DTWD2: variants seen among roughly 807,000 people sequenced by gnomAD.
DTWD2 encodes the protein DTW motif tRNA-uridine aminocarboxypropyltransferase 2, also known as tRNA-uridine aminocarboxypropyltransferase 2.
DTWD2 carries 39 observed loss-of-function variants against 31.8 expected under a neutral mutation model. The ratio of observed to expected loss-of-function variants is 1.22; its 90% confidence interval spans 0.95 to 1.60. DTWD2 has a LOEUF of 1.60. Among genes scored for constraint, DTWD2 ranks in the 40% most tolerant of loss-of-function variants. DTWD2 has a pLI of 0.00. For synonymous variants in DTWD2, 180 were observed against 142.8 expected (o/e 1.26, Z -1.86); for missense variants, 515 against 381.5 (o/e 1.35, Z -2.92).
chr5:118,882,988 G>A (rs567187009), intron 4 of DTWD2, among the ~76,000 whole-genome samples: 8 of 152,292 alleles, frequency 5.3e-5, no homozygotes, highest in South Asian at 4.1e-4. Flanking sequence ...TGGTCAGGCC[G>A]CAAATTTTCC....
intron 4 of DTWD2, among the ~76,000 whole-genome samples, chr5:118,851,893 G>A (rs928797598): frequency 2.0e-5 from 3 of 151,782 alleles, no homozygotes; most frequent in Non-Finnish European, 4.4e-5. Flanking sequence ...GAACAGGTCT[G>A]ACCTCAAATT....
At chr5:118,951,203 C>T (rs931108450) in intron 1 of DTWD2, among the ~76,000 whole-genome samples, 7 of 152,006 alleles carry the variant, frequency 4.6e-5, no homozygotes, top group East Asian at 1.9e-4. Context: ...AACTGTAAGC[C>T]GGACTGGGTG....
At chr5:118,945,752 G>A (rs535487573) in intron 1 of DTWD2, among the ~76,000 whole-genome samples, 19 of 130,744 alleles carry the variant, frequency 1.5e-4, no homozygotes, top group South Asian at 2.2e-4. Context: ...GCGACAGAGC[G>A]AGACTCCAAC....
chr5:118,881,293 T>A (rs1258801796), intron 4 of DTWD2, among the ~76,000 whole-genome samples: 1 of 152,198 alleles, frequency 6.6e-6, no homozygotes, highest in Non-Finnish European at 1.5e-5. Context: ...TAAGTTAATA[T>A]GCCTCTAAAT....
intron 1 of DTWD2, among the ~76,000 whole-genome samples, chr5:118,949,986 A>G (rs1214865968): frequency 3.3e-5 from 5 of 152,216 alleles, no homozygotes; most frequent in Non-Finnish European, 5.9e-5. Flanking sequence ...CAAGGCGGGC[A>G]GATCACGAGG....
At chr5:118,983,511 T>TTCTC (rs575844486) in intron 1 of DTWD2, among the ~76,000 whole-genome samples, 87 of 149,680 alleles carry the variant, frequency 5.8e-4, no homozygotes, top group African/African-American at 1.9e-3. Context: ...TTTCCCCATT[T>TTCTC]TCTCTCTCTC....
chr5:118,962,259 G>T (rs1754723683), intron 1 of DTWD2, among the ~76,000 whole-genome samples: 1 of 152,026 alleles, frequency 6.6e-6, no homozygotes, highest in Admixed American at 6.6e-5. Flanking sequence ...AAAATTATTT[G>T]CTATAAATTA....
intron 1 of DTWD2, chr5:118,974,191 C>T (rs1755071835): frequency 1.4e-6 from 2 of 1,394,280 alleles, no homozygotes; most frequent in South Asian, 1.2e-5. Flanking sequence ...CTCCACTTCC[C>T]GTCTCAGAAT....
At chr5:118,873,814 C>A (rs1752562861) in intron 4 of DTWD2, among the ~76,000 whole-genome samples, 1 of 152,174 alleles carries the variant, frequency 6.6e-6, no homozygotes, top group Non-Finnish European at 1.5e-5. Context: ...CAGCATCCTG[C>A]CCCAAGCCAA....
rs535859715 is a variant in DTWD2 at position 118,931,398 on chromosome 5, T to TAAAA, written c.405-2673_405-2670dup. Among the ~76,000 whole-genome samples the TAAAA allele has an allele frequency of 1.9e-3, 213 of 109,748 alleles. No homozygotes were observed. The Middle Eastern group carries it at 0.027, about 14-fold the overall frequency. 72.0% of individuals were successfully genotyped at this position (109,748 alleles called of 152,430 possible). A position where few individuals can be genotyped will look rare whatever the true frequency, so the allele number is the denominator to read the frequency against. On this transcript the variant is annotated intron_variant, in intron 3 of 5. Transcript: ENST00000510708. ...TGAGCAACAGAACGAGACCTTGTCT[T>TAAAA]AAAAAAAAAAAAAAAAAAAAAGTAA...
chr5:118,935,594 A>C (rs902273918), intron 3 of DTWD2, among the ~76,000 whole-genome samples: 2 of 152,154 alleles, frequency 1.3e-5, no homozygotes, highest in African/African-American at 4.8e-5. Context: ...TTCTGTGTTG[A>C]AGTTTGTGGT....
intron 1 of DTWD2, among the ~76,000 whole-genome samples, chr5:118,969,199 G>C (rs1430104899): frequency 2.6e-5 from 4 of 152,038 alleles, no homozygotes. Context: ...GGGAGGGGCG[G>C]GGGGGAAGCG....
At chr5:118,937,255 A>C (rs1754063591) in intron 3 of DTWD2, among the ~76,000 whole-genome samples, 2 of 151,988 alleles carry the variant, frequency 1.3e-5, no homozygotes, top group Non-Finnish European at 2.9e-5. Context: ...CTCAACAAAC[A>C]CCCATTCATA....
At chr5:118,862,879 T>A (rs1452903592) in intron 4 of DTWD2, among the ~76,000 whole-genome samples, 1 of 152,184 alleles carries the variant, frequency 6.6e-6, no homozygotes, top group African/African-American at 2.4e-5. Flanking sequence ...TAACAGGAAG[T>A]CTGATGTGGC....
chr5:118,956,258 C>T (rs557841627), intron 1 of DTWD2, among the ~76,000 whole-genome samples: 16 of 152,198 alleles, frequency 1.1e-4, no homozygotes, highest in East Asian at 1.9e-4. Flanking sequence ...TGTATTTTTC[C>T]GCTCATCGGG....
chr5:118,857,102 TA>T (rs1251855866), intron 4 of DTWD2, among the ~76,000 whole-genome samples: 1 of 151,996 alleles, frequency 6.6e-6, no homozygotes, highest in Non-Finnish European at 1.5e-5. Context: ...GTTCATGTTA[TA>T]AACGAAGAAA....
chr5:118,854,356 T>C (rs1248144071), intron 4 of DTWD2, among the ~76,000 whole-genome samples: 10 of 152,076 alleles, frequency 6.6e-5, no homozygotes, highest in Admixed American at 3.9e-4. Context: ...GAAAACCTTA[T>C]GTCAAAATAT....
chr5:118,886,730 T>C (rs1490696833), intron 4 of DTWD2, among the ~76,000 whole-genome samples: 4 of 152,172 alleles, frequency 2.6e-5, no homozygotes, highest in Non-Finnish European at 5.9e-5. Flanking sequence ...TTATATAGCT[T>C]AAAAAGCTGA....
intron 1 of DTWD2, among the ~76,000 whole-genome samples, chr5:118,965,412 C>A (rs1047228062): frequency 1.6e-4 from 25 of 152,112 alleles, no homozygotes; most frequent in Non-Finnish European, 2.9e-4. Flanking sequence ...GCCGCCACCC[C>A]GTCTGGGAGG....
Sources: allele counts gnomAD v4.1 joint callset (sites outside exome capture counted in the v4.1 genomes callset), GRCh38; gene constraint gnomAD v4.1.1; transcripts MANE v1.5; gene names NCBI Gene and HGNC (gene_info 2026-07-23, HGNC 2026-07-21).